Variants in RASGRF2 observed in about 807,000 individuals in gnomAD.
RASGRF2 encodes Ras protein specific guanine nucleotide releasing factor 2, also known as ras-specific guanine nucleotide-releasing factor 2.
A neutral mutation model predicts 151.0 loss-of-function variants in RASGRF2; 76 were observed. The ratio of observed to expected loss-of-function variants is 0.50; its 90% CI spans 0.42 to 0.61. The LOEUF is 0.61. Ranked by LOEUF, RASGRF2 falls within the 20% of genes least tolerant of loss-of-function variation. RASGRF2 has a pLI of 0.00. For missense variants in RASGRF2, 1,148 were observed against 1,564.6 expected (o/e 0.73, Z 4.49); for synonymous variants, 504 against 566.5 (o/e 0.89, Z 1.57).
chr5:81,221,991 T>G (rs889171009), intron 26 of RASGRF2, among the ~76,000 whole-genome samples: 2 of 152,140 alleles, frequency 1.3e-5, no homozygotes, highest in Non-Finnish European at 2.9e-5. Flanking sequence ...ACGCTGACTC[T>G]GGAGGGGGAG....
intron 17 of RASGRF2, among the ~76,000 whole-genome samples, chr5:81,162,531 T>TTTTTTTTTTTTTG (rs1448617876): frequency 6.6e-6 from 1 of 151,942 alleles, no homozygotes; most frequent in African/African-American, 2.4e-5. Flanking sequence ...TATATTTTAG[T>TTTTTTTTTTTTTG]AGAGACGGGT....
intron 25 of RASGRF2, among the ~76,000 whole-genome samples, chr5:81,219,052 G>A (rs921500415): frequency 5.3e-5 from 8 of 151,754 alleles, no homozygotes; most frequent in East Asian, 1.9e-4. Flanking sequence ...CTTGCTGAAG[G>A]CTTCTTGCTA....
At chr5:80,984,857 A>G (rs1748427083) in intron 1 of RASGRF2, among the ~76,000 whole-genome samples, 1 of 152,254 alleles carries the variant, frequency 6.6e-6, no homozygotes, top group African/African-American at 2.4e-5. Context: ...ATGAGTTATT[A>G]GAGAGTCTCT....
At chr5:80,998,467 G>A (rs1285536914) in intron 1 of RASGRF2, among the ~76,000 whole-genome samples, 1 of 151,992 alleles carries the variant, frequency 6.6e-6, no homozygotes, top group Non-Finnish European at 1.5e-5. Flanking sequence ...AGCATATAGG[G>A]GTATACTCTG....
intron 18 of RASGRF2, among the ~76,000 whole-genome samples, chr5:81,196,287 T>C (rs964075716): frequency 6.6e-6 from 1 of 152,140 alleles, no homozygotes; most frequent in Admixed American, 6.6e-5. Context: ...AAAAATTATA[T>C]ACTAAAGGTC....
intron 1 of RASGRF2, among the ~76,000 whole-genome samples, chr5:81,001,842 A>G (rs1749091271): frequency 1.3e-5 from 2 of 152,224 alleles, no homozygotes; most frequent in Admixed American, 1.3e-4. Context: ...ATTCTGCAAT[A>G]TGGTAGACAC....
chr5:81,193,207 C>G (rs1755188157), intron 18 of RASGRF2, among the ~76,000 whole-genome samples: 1 of 152,182 alleles, frequency 6.6e-6, no homozygotes, highest in African/African-American at 2.4e-5. Flanking sequence ...TAGTAAATTA[C>G]TAATTACTAC....
At chr5:81,116,468 T>C (rs1753160565) in intron 15 of RASGRF2, among the ~76,000 whole-genome samples, 1 of 152,200 alleles carries the variant, frequency 6.6e-6, no homozygotes, top group African/African-American at 2.4e-5. Context: ...TGGGCAGCCC[T>C]GTAGAGCAGA....
intron 1 of RASGRF2, among the ~76,000 whole-genome samples, chr5:80,966,683 T>C (rs1263199270): frequency 2.0e-5 from 3 of 152,166 alleles, no homozygotes; most frequent in African/African-American, 7.2e-5. Flanking sequence ...GTTGTTGTTG[T>C]TGCAGAAAAT....
chr5:80,962,610 AT>A (rs1255061650), intron 1 of RASGRF2, among the ~76,000 whole-genome samples: 84 of 143,682 alleles, frequency 5.8e-4, no homozygotes, highest in East Asian at 1.8e-3. Context: ...ACCACTTTTG[AT>A]TTTTTTTTTT....
At chr5:81,224,546 A>G (rs1755929776) in intron 26 of RASGRF2, among the ~76,000 whole-genome samples, 1 of 152,266 alleles carries the variant, frequency 6.6e-6, no homozygotes, top group Non-Finnish European at 1.5e-5. Flanking sequence ...GTGTTTATCC[A>G]AAGGGAAAAT....
intron 7 of RASGRF2, among the ~76,000 whole-genome samples, chr5:81,081,113 A>G (rs1317390411): frequency 6.6e-6 from 1 of 152,212 alleles, no homozygotes; most frequent in Non-Finnish European, 1.5e-5. Context: ...ATGTTTAAAA[A>G]TATTATTTGG....
At chr5:81,036,063 T>A (rs1490042891) in intron 1 of RASGRF2, among the ~76,000 whole-genome samples, 1 of 152,144 alleles carries the variant, frequency 6.6e-6, no homozygotes, top group Non-Finnish European at 1.5e-5. Context: ...CAAATAACAT[T>A]AAACATGGAG....
intron 16 of RASGRF2, 45 bp downstream of exon 16, chr5:81,123,812 T>C (rs1215666889): frequency 6.3e-7 from 1 of 1,575,616 alleles, no homozygotes; most frequent in Admixed American, 1.8e-5. Context: ...TGAAAAATGA[T>C]TTCTAGCTTC....
intron 2 of RASGRF2, among the ~76,000 whole-genome samples, chr5:81,060,121 G>C (rs993594030): frequency 6.6e-6 from 1 of 152,146 alleles, no homozygotes; most frequent in Non-Finnish European, 1.5e-5. Context: ...AGGACAGCAT[G>C]AAGCCATGAG....
At chr5:81,104,424 GATGA>G (rs1752788541) in intron 12 of RASGRF2, among the ~76,000 whole-genome samples, 1 of 151,910 alleles carries the variant, frequency 6.6e-6, no homozygotes. Context: ...CTATTTCGTA[GATGA>G]ATAATTTATT....
At chr5:81,044,705 A>C (rs1750782792) in intron 2 of RASGRF2, among the ~76,000 whole-genome samples, 1 of 152,194 alleles carries the variant, frequency 6.6e-6, no homozygotes, top group African/African-American at 2.4e-5. Flanking sequence ...GCCAAGTTCT[A>C]ACACAAAGTT....
At chr5:81,167,441 CATCA>C (rs1754538858) in intron 17 of RASGRF2, among the ~76,000 whole-genome samples, 1 of 152,228 alleles carries the variant, frequency 6.6e-6, no homozygotes, top group South Asian at 2.1e-4. Flanking sequence ...AATTTGCAAT[CATCA>C]ATCAGTCAGT....
intron 1 of RASGRF2, among the ~76,000 whole-genome samples, chr5:81,041,494 T>A (rs539871163): frequency 6.6e-6 from 1 of 152,290 alleles, no homozygotes; most frequent in Admixed American, 6.5e-5. Context: ...ATTCTCCACA[T>A]CTTAACATAG....
Sources: allele counts gnomAD v4.1 joint callset (sites outside exome capture counted in the v4.1 genomes callset), GRCh38; gene constraint gnomAD v4.1.1; transcripts MANE v1.5; gene names NCBI Gene and HGNC (gene_info 2026-07-23, HGNC 2026-07-21).